Variants in DNHD1 observed in about 807,000 individuals in gnomAD.
DNHD1 encodes dynein heavy chain domain 1, also known as dynein heavy chain domain-containing protein 1.
A neutral mutation model predicts 458.1 loss-of-function variants in DNHD1; 383 were observed. The observed-to-expected ratio is 0.84, with a 90% CI of 0.77 to 0.91. The LOEUF is 0.91. DNHD1 is among the 40% of genes least tolerant of loss of function. DNHD1 has a pLI of 0.00. For missense variants in DNHD1, 5,336 were observed against 5,866.1 expected (o/e 0.91, Z 2.95); for synonymous variants, 2,203 against 2,376.9 (o/e 0.93, Z 2.13).
At chr11:6,530,719 G>C (rs1052852549) in intron 12 of DNHD1, among the ~76,000 whole-genome samples, 7 of 152,120 alleles carry the variant, frequency 4.6e-5, no homozygotes, top group Non-Finnish European at 1.0e-4. Context: ...TATCCAGTGG[G>C]CCACTAAAAC....
chr11:6,522,270 T>C (rs1347110262), intron 10 of DNHD1, among the ~76,000 whole-genome samples: 1 of 152,180 alleles, frequency 6.6e-6, no homozygotes, highest in Non-Finnish European at 1.5e-5. Context: ...TTTGCAAATA[T>C]TTTCTCCCCT....
At chr11:6,512,410 G>C (rs12797998) in intron 7 of DNHD1, among the ~76,000 whole-genome samples, 4 of 151,474 alleles carry the variant, frequency 2.6e-5, no homozygotes, top group Non-Finnish European at 5.9e-5. Context: ...TTTTAGTAGA[G>C]ATGGGGTTTC....
intron 17 of DNHD1, 85 bp from the exon 18 acceptor site, chr11:6,539,791 C>T: frequency 1.5e-6 from 2 of 1,309,878 alleles, no homozygotes; most frequent in South Asian, 2.6e-5. Context: ...TGAGTTCTGC[C>T]TCAGATCCAA....
At chr11:6,538,360 C>G in intron 14 of DNHD1, 23 bp from the exon 15 acceptor site, 1 of 1,551,592 alleles carries the variant, frequency 6.4e-7, no homozygotes, top group Non-Finnish European at 8.7e-7. Context: ...TAGCCCAGGT[C>G]TCAAGTCAGC....
chr11:6,570,287 C>T lies in DNHD1; in HGVS notation c.12996C>T (p.Asp4332=). The change falls in exon 41 of 43, where the codon GAC becomes GAT. Residue 4332 remains aspartate (D), a synonymous_variant. Transcript: ENST00000254579. ...FYGGPLGDTE[D]REALISLTQA... The stretch of plus-strand genomic sequence containing the variant: ...GGGGTCCTCTGGGGGACACTGAGGA[C>T]AGGGAGGCCCTGATTAGCCTCACAC... 1 of 1,613,676 alleles carries T rather than the reference C, an allele frequency of 6.2e-7. No individual in the cohort carries two copies. The highest frequency in any genetic ancestry group is 1.1e-5 in the South Asian group (1 of 91,046).
chr11:6,534,199 T>A, intron 14 of DNHD1, 26 bp downstream of exon 14: 1 of 1,546,390 alleles, frequency 6.5e-7, no homozygotes, highest in East Asian at 2.4e-5. Context: ...GCACCCTCCA[T>A]TATCACTCTG....
In DNHD1 at chr11:6,556,726, G is replaced by C. The variant is rs1423986528; in HGVS notation, c.7431G>C (p.Gln2477His). ...AGCCAGTGTTGGAGACTCTGCGCCA[G>C]GCCATGGATGGCACTGTGTATGCCC... The part of the protein sequence containing the change: ...SCQPVLETLR[Q>H]AMDGTVYAHS... Residue 2477 changes from glutamine to histidine, a missense_variant, in exon 25 of 43, where the codon CAG becomes CAC. Gln to His is a conservative substitution (Grantham distance 24, BLOSUM62 0). Coordinates refer to ENST00000254579, the MANE Select transcript of DNHD1 (RefSeq NM_144666.3). 5.2e-6 allele frequency: 8 copies of C among 1,551,102 alleles called. No individual in the cohort carries two copies. In the South Asian group the frequency reaches 7.1e-5, roughly 14 times the overall value.
intron 38 of DNHD1, 36 bp downstream of exon 38, chr11:6,568,612 G>C: frequency 6.2e-7 from 1 of 1,613,884 alleles, no homozygotes. Context: ...TCTCAAATTG[G>C]AAGTGGGAGG....
intron 24 of DNHD1, 118 bp from the exon 25 acceptor site, chr11:6,556,565 C>T: frequency 9.9e-7 from 1 of 1,010,198 alleles, no homozygotes; most frequent in Admixed American, 2.9e-5. Flanking sequence ...GACCAAGTCC[C>T]AACACGTCAG....
chr11:6,571,592 T>TC lies in DNHD1; in HGVS notation c.13912-41dup, dbSNP rs1373062037. ...TAACCCCCACTTCCCACCTGCCACC[T>TC]CCCAGCTTCCTAGCCTTGCCTGACC... On this transcript the variant is annotated intron_variant, in intron 42 of 42. Transcript: ENST00000254579. This position sits in a 1 kb window ranked among gnomAD's most constrained non-coding sequence, Gnocchi z 5.0. 1.3e-6 allele frequency: 2 copies of TC among 1,492,026 alleles called. No homozygotes were observed. Among genetic ancestry groups the TC allele is most frequent in the Non-Finnish European group, 1.8e-6 (2 of 1,114,978 alleles). 92.4% of individuals were successfully genotyped at this position (1,492,026 alleles called of 1,614,324 possible).
In DNHD1 at chr11:6,559,277, C is replaced by T. The variant is rs886949664; in HGVS notation, c.9513C>T (p.Ser3171=). 3.2e-5 allele frequency: 49 copies of T among 1,551,318 alleles called. 1 individual carries two copies. Among genetic ancestry groups the T allele is most frequent in the African/African-American group, 1.2e-4 (9 of 73,004 alleles). The stretch of plus-strand genomic sequence containing the variant: ...ACTTGGAACAGCAGCTGAAAGACTC[C>T]GGCAAGGTAAGGAGATGATTTTGAG... ...IFDLEQQLKD[S]GKSLSMFQQQ... is the part of the protein sequence containing the mutation. Residue 3171 remains serine, a synonymous_variant, in exon 28 of 43, where the codon TCC becomes TCT. Coordinates refer to ENST00000254579, the MANE Select transcript of DNHD1 (RefSeq NM_144666.3).
At position 6,567,644 on chromosome 11, in the gene DNHD1, C is replaced by T. The variant is rs536552992; in HGVS notation, c.12135C>T (p.Arg4045=). ...LSLLQKLILW[R]VLRPECLAGA... ...TCCTCCAGAAGCTGATCCTGTGGCGCGTTCTGCGACCTGAGTGCCTGGCAG... is the reference window on the plus strand; with the variant it reads ...TCCTCCAGAAGCTGATCCTGTGGCGTGTTCTGCGACCTGAGTGCCTGGCAG... Residue 4045 remains arginine (R), a synonymous_variant, in exon 36 of 43, where the codon CGC becomes CGT. Coordinates refer to ENST00000254579, the MANE Select transcript of DNHD1 (RefSeq NM_144666.3). The T allele has an allele frequency of 1.2e-5, 19 of 1,613,960 alleles. No individual in the cohort carries two copies. Among genetic ancestry groups the T allele is most frequent in the South Asian group, 5.5e-5 (5 of 91,090 alleles).
At position 6,544,645 on chromosome 11, in the gene DNHD1, A is replaced by G; in HGVS notation, c.3826A>G (p.Lys1276Glu). The change falls in exon 20 of 43, where the codon AAG becomes GAG. Residue 1276 changes from lysine (K) to glutamate (E), a missense_variant. Transcript: ENST00000254579. ...TCTGAATAAAGTTCTGCATGAGATG[A>G]AGATCCAGTTTCCTAATGCTGACCT... ...IFLNKVLHEMKIQFPNADLNS... is the reference protein window; with the variant it reads ...IFLNKVLHEMEIQFPNADLNS... 6.4e-7 allele frequency: 1 copy of G among 1,551,552 alleles called. No homozygotes were observed.
rs773288203 is a variant in DNHD1, at chr11:6,566,776, G to A, written c.11385+11G>A. 6.8e-6 allele frequency: 11 copies of A among 1,607,128 alleles called. No individual in the cohort carries two copies. The highest frequency in any genetic ancestry group is 1.1e-5 in the South Asian group (1 of 89,748). ...GTGGAGGCTGCTGAGGTGCTTGGGG[G>A]CTCAGTCTGTGGGTTGAGATGAGCA... On this transcript the variant is annotated intron_variant, in intron 35 of 42. Transcript: ENST00000254579.
Position 6,528,636 on chromosome 11 carries a change from G to A in DNHD1, c.1952G>A (p.Trp651Ter). Residue 651 changes from tryptophan (W) to a stop codon, truncating the protein, a stop_gained, in exon 11 of 43, where the codon TGG (tryptophan) becomes TAG (stop). Coordinates refer to ENST00000254579, the MANE Select transcript of DNHD1 (RefSeq NM_144666.3). LOFTEE classifies it high-confidence loss of function. ...CGPNVGLVWP[W>*]KSHPIAGILE... is the part of the protein sequence containing the mutation. ...CCGAATGTGGGATTGGTGTGGCCCTGGAAGTCTCACCCAATTGCTGGTATC... is the reference window on the plus strand; with the variant it reads ...CCGAATGTGGGATTGGTGTGGCCCTAGAAGTCTCACCCAATTGCTGGTATC... 1 of 1,551,712 alleles carries A rather than the reference G, an allele frequency of 6.4e-7. No homozygotes were observed. Among genetic ancestry groups the A allele is most frequent in the Non-Finnish European group, 8.7e-7 (1 of 1,146,998 alleles).
chr11:6,546,417 A>G lies in DNHD1; in HGVS notation c.5478A>G (p.Ala1826=), dbSNP rs555773868. ...ANLHLLLRPV[A]LALPDLRQVA... ...TGCACCTGCTGCTGCGGCCTGTGGC[A>G]TTGGCATTGCCTGATCTGCGGCAAG... Residue 1826 remains alanine, a synonymous_variant, in exon 21 of 43, where the codon GCA becomes GCG. Coordinates refer to ENST00000254579, the MANE Select transcript of DNHD1 (RefSeq NM_144666.3). 4.6e-5 allele frequency: 71 copies of G among 1,551,852 alleles called. No individual in the cohort carries two copies. The African/African-American group carries it at 7.7e-4, about 17-fold the overall frequency.
At position 6,562,990 on chromosome 11, in the gene DNHD1, C is replaced by A. The variant is rs747522193; in HGVS notation, c.9528C>A (p.Ser3176Arg). 3.2e-6 allele frequency: 5 copies of A among 1,551,556 alleles called. No homozygotes were observed. The South Asian group carries it at 5.9e-5, about 18-fold the overall frequency. ...TGGATCTGTCTCTGCAGAGTCTCAG[C>A]ATGTTTCAGCAGCAGCTAGAGCAAA... is the stretch of plus-strand genomic sequence containing the variant. ...QQLKDSGKSL[S>R]MFQQQLEQSK... Residue 3176 changes from serine (S) to arginine (R), a missense_variant, in exon 29 of 43, where the codon AGC becomes AGA. Around this residue, in one of 4 missense-constraint regions of DNHD1, gnomAD observed 3,932 missense variants for 4,365.6 expected, o/e 0.90. Coordinates refer to ENST00000254579, the MANE Select transcript of DNHD1 (RefSeq NM_144666.3).
intron 3 of DNHD1, among the ~76,000 whole-genome samples, chr11:6,499,966 T>A (rs1486933580): frequency 1.0e-4 from 1 of 9,542 alleles, no homozygotes; most frequent in South Asian, 3.5e-3. Context: ...TAACTTTCGA[T>A]TTTTTTTTTT....
chr11:6,538,578 G>A, intron 15 of DNHD1, 34 bp from the exon 16 acceptor site: 1 of 1,550,164 alleles, frequency 6.5e-7, no homozygotes, highest in South Asian at 1.2e-5. Flanking sequence ...GAGGGGAAGA[G>A]TCTCAAGCTG....
Sources: allele counts gnomAD v4.1 joint callset (sites outside exome capture counted in the v4.1 genomes callset), GRCh38; gene constraint gnomAD v4.1.1; regional missense constraint gnomAD v4.1.1; non-coding constraint Gnocchi (gnomAD v3.1); transcripts MANE v1.5; gene names NCBI Gene and HGNC (gene_info 2026-07-23, HGNC 2026-07-21).